KCNIP3: variants seen among roughly 807,000 people sequenced by gnomAD.
The protein encoded by KCNIP3 is potassium voltage-gated channel interacting protein 3, also known as calsenilin.
KCNIP3 carries 28 observed loss-of-function variants against 35.0 expected under a neutral mutation model. That is an observed-to-expected ratio of 0.80 (90% CI 0.59 to 1.10). The LOEUF (loss-of-function observed/expected upper bound fraction) is 1.10, where lower values mean the gene tolerates loss of function less well. Ranked by LOEUF, KCNIP3 falls within the 50% of genes least tolerant of loss-of-function variation. The probability of loss-of-function intolerance (pLI) is 0.00; values close to 1 mark genes in which losing one functional copy is unlikely to be tolerated. For missense variants in KCNIP3, 295 were observed against 338.4 expected (o/e 0.87, Z 1.01); for synonymous variants, 134 against 133.8 (o/e 1.00, Z -0.01).
intron 2 of KCNIP3, among the ~76,000 whole-genome samples, chr2:95,351,170 G>C (rs1361668996): frequency 6.6e-6 from 1 of 152,246 alleles, no homozygotes; most frequent in Non-Finnish European, 1.5e-5. Context: ...ACTCAAGCCT[G>C]AAGACTACTG....
At chr2:95,379,128 C>T (rs545200917) in intron 5 of KCNIP3, among the ~76,000 whole-genome samples, 46 of 151,960 alleles carry the variant, frequency 3.0e-4, no homozygotes, top group African/African-American at 1.1e-3. Flanking sequence ...GTCCCCCCAG[C>T]CCCCCACCCA....
intron 2 of KCNIP3, among the ~76,000 whole-genome samples, chr2:95,321,137 G>A (rs1175615653): frequency 2.0e-5 from 3 of 148,696 alleles, no homozygotes; most frequent in East Asian, 2.0e-4. Context: ...GCCTAGGGAA[G>A]TCTAGGCCCT....
chr2:95,356,741 G>A (rs1204887659), intron 2 of KCNIP3, among the ~76,000 whole-genome samples: 2 of 152,260 alleles, frequency 1.3e-5, no homozygotes, highest in African/African-American at 2.4e-5. Flanking sequence ...ATGCTGTTTT[G>A]GTTACTGTAG....
intron 1 of KCNIP3, among the ~76,000 whole-genome samples, chr2:95,307,717 C>G (rs1353861282): frequency 3.9e-5 from 6 of 152,212 alleles, no homozygotes; most frequent in Non-Finnish European, 7.3e-5. Flanking sequence ...CGAGAAGCAG[C>G]CTTGCCAGCC....
chr2:95,349,298 GCCC>G (rs1679454041), intron 2 of KCNIP3, among the ~76,000 whole-genome samples: 1 of 152,188 alleles, frequency 6.6e-6, no homozygotes, highest in Non-Finnish European at 1.5e-5. Flanking sequence ...GGGGACTGTT[GCCC>G]CAGCTCTGCT....
At chr2:95,314,175 G>A (rs1678397091) in intron 2 of KCNIP3, among the ~76,000 whole-genome samples, 1 of 152,078 alleles carries the variant, frequency 6.6e-6, no homozygotes, top group Admixed American at 6.5e-5. Flanking sequence ...TAGCAGAAAG[G>A]CATCGGAACA....
At chr2:95,325,591 G>A (rs528216512) in intron 2 of KCNIP3, among the ~76,000 whole-genome samples, 5 of 151,632 alleles carry the variant, frequency 3.3e-5, no homozygotes, top group Admixed American at 6.6e-5. Context: ...ACGCACACAC[G>A]CACTCACACA....
intron 2 of KCNIP3, among the ~76,000 whole-genome samples, chr2:95,334,295 ATAGGACC>A (rs1453098129): frequency 5.3e-5 from 8 of 152,172 alleles, no homozygotes; most frequent in Non-Finnish European, 1.0e-4. Context: ...AGCATGTCCC[ATAGGACC>A]CTGTTTACAG....
intron 2 of KCNIP3, among the ~76,000 whole-genome samples, chr2:95,314,050 C>A (rs1030862959): frequency 8.5e-5 from 13 of 152,112 alleles, no homozygotes; most frequent in Non-Finnish European, 1.5e-4. Context: ...AGAAGACCCA[C>A]ATCCTCCTCA....
At chr2:95,301,701 T>C (rs1222787040) in intron 1 of KCNIP3, among the ~76,000 whole-genome samples, 1 of 152,004 alleles carries the variant, frequency 6.6e-6, no homozygotes, top group Non-Finnish European at 1.5e-5. Context: ...AATTTGGCCA[T>C]GGGCAACTCA....
At position 95,348,971 on chromosome 2, in the gene KCNIP3, TAATA is replaced by T. The variant is rs1679444940; in HGVS notation, c.182-25321_182-25318del. ...AACCAGTCAGTGGGGCTTGCATGGATAATAAATGTGCAGGCTTTGTGAGCCGTGC... is the reference window on the plus strand; with the variant it reads ...AACCAGTCAGTGGGGCTTGCATGGATAATGTGCAGGCTTTGTGAGCCGTGC... On this transcript the variant is annotated intron_variant, in intron 2 of 8. Transcript: ENST00000295225. Among the ~76,000 whole-genome samples, 3 of 152,276 alleles carry T rather than the reference TAATA, an allele frequency of 2.0e-5. No individual in the cohort carries two copies. The South Asian group carries it at 6.2e-4, about 32-fold the overall frequency.
intron 1 of KCNIP3, 194 bp from the exon 2 acceptor site, chr2:95,310,161 T>C: frequency 1.4e-6 from 1 of 704,006 alleles, no homozygotes; most frequent in Non-Finnish European, 2.6e-6. Flanking sequence ...ATAGCCAGGG[T>C]GTAGAGTGAA....
At chr2:95,381,410 C>T (rs1183293791) in intron 5 of KCNIP3, among the ~76,000 whole-genome samples, 186 bp from the exon 6 acceptor site, 1 of 152,224 alleles carries the variant, frequency 6.6e-6, no homozygotes, top group Non-Finnish European at 1.5e-5. Flanking sequence ...CACAGGTGCA[C>T]ACCCGTGCAT....
At chr2:95,324,417 G>C (rs1678672996) in intron 2 of KCNIP3, among the ~76,000 whole-genome samples, 1 of 152,022 alleles carries the variant, frequency 6.6e-6, no homozygotes, top group African/African-American at 2.4e-5. Flanking sequence ...CAGAGGCTGA[G>C]GCAGGAGAAT....
rs192859297 is a variant in KCNIP3, at chr2:95,376,902, A to T, written c.447+1694A>T. ...CTGCAATGATTCTGTCCCTTTCTGT[A>T]TATTCTTAGAGACAAGATGCATATT... On this transcript the variant is annotated intron_variant, in intron 5 of 8. Transcript: ENST00000295225. The surrounding 1 kb of genome is among the most constrained non-coding windows in gnomAD (Gnocchi z 4.2). Among the ~76,000 whole-genome samples the T allele has an allele frequency of 1.3e-5, 2 of 152,336 alleles. No homozygotes were observed. The highest frequency in any genetic ancestry group is 6.5e-5 in the Admixed American group (1 of 15,302).
chr2:95,303,780 C>T (rs1453738386), intron 1 of KCNIP3, among the ~76,000 whole-genome samples: 5 of 152,300 alleles, frequency 3.3e-5, no homozygotes, highest in South Asian at 2.1e-4. Flanking sequence ...CCAAGCCTGC[C>T]GGCTGGCAGG....
intron 2 of KCNIP3, among the ~76,000 whole-genome samples, chr2:95,331,421 G>T (rs978096524): frequency 2.6e-5 from 4 of 152,142 alleles, no homozygotes; most frequent in Admixed American, 1.3e-4. Context: ...CATCTAAAGA[G>T]ATCCTAGCAG....
At position 95,376,019 on chromosome 2, in the gene KCNIP3, G is replaced by T. The variant is rs1235193983; in HGVS notation, c.447+811G>T. 2.0e-5 allele frequency among the ~76,000 whole-genome samples: 3 copies of T among 152,176 alleles called. No individual in the cohort carries two copies. Among genetic ancestry groups the T allele is most frequent in the African/African-American group, 7.2e-5 (3 of 41,450 alleles). On this transcript the variant is annotated intron_variant, in intron 5 of 8. Coordinates refer to ENST00000295225, the MANE Select transcript of KCNIP3 (RefSeq NM_013434.5). This position sits in a 1 kb window ranked among gnomAD's most constrained non-coding sequence, Gnocchi z 4.2. ...ATAATAACTTGTCGATAAGCTGCGC[G>T]GGTTATTTTTATGCCGCAAGCCCGC...
chr2:95,370,928 CTT>C (rs1052493702), intron 2 of KCNIP3, among the ~76,000 whole-genome samples: 1 of 145,522 alleles, frequency 6.9e-6, no homozygotes, highest in Non-Finnish European at 1.5e-5. Context: ...ACCTGGCTAA[CTT>C]TTTTTTTTTT....
Sources: allele counts gnomAD v4.1 joint callset (sites outside exome capture counted in the v4.1 genomes callset), GRCh38; gene constraint gnomAD v4.1.1; non-coding constraint Gnocchi (gnomAD v3.1); transcripts MANE v1.5; gene names NCBI Gene and HGNC (gene_info 2026-07-23, HGNC 2026-07-21).